RARB: variants seen among roughly 807,000 people sequenced by gnomAD.
RARB encodes the protein retinoic acid receptor beta, also known as HBV-activated protein.
Under a neutral mutation model 51.9 loss-of-function variants are expected in RARB, and 17 were observed. The observed-to-expected ratio is 0.33, with a 90% confidence interval of 0.22 to 0.49. The LOEUF is 0.49. Among genes scored for constraint, RARB ranks in the 20% least tolerant of loss-of-function variants. The pLI is 0.99. For missense variants in RARB, 369 were observed against 550.8 expected, an observed-to-expected ratio of 0.67 and a Z score of 3.30; for synonymous variants, 215 against 195.4, an observed-to-expected ratio of 1.10 and a Z score of -0.84.
intron 5 of RARB, among the ~76,000 whole-genome samples, chr3:25,262,796 G>A (rs894638288): frequency 6.6e-6 from 1 of 152,140 alleles, no homozygotes; most frequent in Admixed American, 6.6e-5. Flanking sequence ...GTTTTTAGGA[G>A]GTAGGACTTG....
At chr3:25,067,998 A>AGAGTGCCG (rs1214434403) in intron 3 of RARB, among the ~76,000 whole-genome samples, 32 of 151,672 alleles carry the variant, frequency 2.1e-4, no homozygotes, top group Non-Finnish European at 3.4e-4. Context: ...TTAGCTGCAC[A>AGAGTGCCG]CAGTGCCGCA....
rs35708873 is a variant in RARB at position 25,124,973 on chromosome 3, T to G, written c.-327-7188T>G. Among the ~76,000 whole-genome samples, 1,381 of 152,354 alleles carry G rather than the reference T, an allele frequency of 9.1e-3. 7 individuals carry two copies. The highest frequency in any genetic ancestry group is 0.017 in the Non-Finnish European group (1,147 of 68,020). On this transcript the variant is annotated intron_variant, in intron 3 of 11. Transcript: ENST00000383772. ...ATTTTAAGGGAAATTTTGTTACTAA[T>G]GACTTATATAAAACTTAACTGTTTA...
chr3:25,188,978 G>A (rs552152464), intron 5 of RARB, among the ~76,000 whole-genome samples: 73 of 152,128 alleles, frequency 4.8e-4, no homozygotes, highest in Non-Finnish European at 4.4e-4. Context: ...GATAATAAAT[G>A]TTGCTCAAAC....
intron 5 of RARB, among the ~76,000 whole-genome samples, chr3:25,281,407 T>C (rs894205978): frequency 6.6e-6 from 1 of 152,256 alleles, no homozygotes; most frequent in Non-Finnish European, 1.5e-5. Context: ...GACTTCACTT[T>C]GGCTGGGGTT....
At position 25,264,534 on chromosome 3, in the gene RARB, C is replaced by T. The variant is rs140405087; in HGVS notation, c.178+89959C>T. On this transcript the variant is annotated intron_variant, in intron 5 of 11. Coordinates refer to the RARB transcript ENST00000383772. ...CTTAAGATTAACTTATTCTTAATTA[C>T]TTCGAAGCCAAAATTGCATATTGCT... Among the ~76,000 whole-genome samples, 19 of 152,244 alleles carry T rather than the reference C, an allele frequency of 1.2e-4. No homozygotes were observed. The East Asian group carries it at 2.9e-3, about 23-fold the overall frequency.
chr3:25,118,088 G>C (rs1699720560), intron 3 of RARB, among the ~76,000 whole-genome samples: 1 of 152,118 alleles, frequency 6.6e-6, no homozygotes, highest in Admixed American at 6.6e-5. Flanking sequence ...CAATTGCTTG[G>C]AGAGGCTCCA....
At chr3:25,540,699 G>T (rs926741645) in intron 3 of RARB, among the ~76,000 whole-genome samples, 6 of 152,356 alleles carry the variant, frequency 3.9e-5, no homozygotes, top group African/African-American at 1.4e-4. Context: ...TATATGGGTT[G>T]CCCCAGGGTG....
chr3:25,313,920 A>C (rs1455103209), intron 5 of RARB, among the ~76,000 whole-genome samples: 1 of 151,936 alleles, frequency 6.6e-6, no homozygotes, highest in African/African-American at 2.4e-5. Context: ...AAAGAAAAAA[A>C]ATTAGCTAGG....
intron 4 of RARB, among the ~76,000 whole-genome samples, chr3:25,579,175 C>G (rs1180070649): frequency 2.0e-5 from 3 of 152,160 alleles, no homozygotes; most frequent in Non-Finnish European, 4.4e-5. Flanking sequence ...TTACACCATG[C>G]AATTGGTTGT....
chr3:25,556,122 C>T lies in RARB; in HGVS notation c.449-13636C>T, dbSNP rs559864856. ...GCTATGCAGAGAATGGTGGAGATGG[C>T]TTTCTTTCTTTTCCAAATGACTCTC... On this transcript the variant is annotated intron_variant, in intron 3 of 7. Transcript: ENST00000330688. 2.0e-5 allele frequency among the ~76,000 whole-genome samples: 3 copies of T among 152,082 alleles called. No homozygotes were observed. The East Asian group carries it at 5.8e-4, about 29-fold the overall frequency.
chr3:24,901,769 C>T (rs912343139), intron 2 of RARB, among the ~76,000 whole-genome samples: 12 of 152,094 alleles, frequency 7.9e-5, no homozygotes, highest in Non-Finnish European at 1.5e-4. Flanking sequence ...AGGGGGATTC[C>T]TCTGAGCTGT....
At chr3:25,104,012 A>G (rs894024885) in intron 3 of RARB, among the ~76,000 whole-genome samples, 11 of 152,196 alleles carry the variant, frequency 7.2e-5, no homozygotes, top group African/African-American at 2.4e-4. Context: ...CACATCAGAC[A>G]GATATGCCGT....
chr3:25,466,709 T>C (rs1397018713), intron 2 of RARB, among the ~76,000 whole-genome samples: 1 of 152,172 alleles, frequency 6.6e-6, no homozygotes, highest in Non-Finnish European at 1.5e-5. Flanking sequence ...GGTTGCCAAA[T>C]TGCTTCTGCA....
At chr3:25,450,809 GGT>G (rs1709159453) in intron 1 of RARB, among the ~76,000 whole-genome samples, 1 of 152,124 alleles carries the variant, frequency 6.6e-6, no homozygotes, top group Admixed American at 6.5e-5. Flanking sequence ...TACCCGGCCG[GGT>G]GCGGTGGCTC....
At chr3:25,133,221 C>T (rs897879446) in intron 4 of RARB, among the ~76,000 whole-genome samples, 8 of 151,906 alleles carry the variant, frequency 5.3e-5, no homozygotes, top group East Asian at 1.9e-4. Flanking sequence ...TTAACTTGAA[C>T]GTCTCCACAT....
At chr3:24,953,070 T>A (rs1695933022) in intron 2 of RARB, among the ~76,000 whole-genome samples, 1 of 152,178 alleles carries the variant, frequency 6.6e-6, no homozygotes, top group South Asian at 2.1e-4. Flanking sequence ...AGCTGTTATA[T>A]CTTCTAGGGA....
At chr3:25,359,180 G>A (rs756349569) in intron 5 of RARB, among the ~76,000 whole-genome samples, 9 of 152,060 alleles carry the variant, frequency 5.9e-5, no homozygotes, top group Non-Finnish European at 1.0e-4. Context: ...TCTATTCAGG[G>A]ATTCGACGTC....
At chr3:25,206,069 G>C (rs1226454905) in intron 5 of RARB, among the ~76,000 whole-genome samples, 1 of 152,180 alleles carries the variant, frequency 6.6e-6, no homozygotes, top group Non-Finnish European at 1.5e-5. Context: ...TTTGACGTAT[G>C]ATATTTTCAA....
chr3:25,165,916 TA>T (rs1164486824), intron 4 of RARB, among the ~76,000 whole-genome samples: 2 of 152,220 alleles, frequency 1.3e-5, no homozygotes, highest in Non-Finnish European at 2.9e-5. Flanking sequence ...TCTGTTTCTT[TA>T]GCAGATGGAA....
Sources: allele counts gnomAD v4.1 joint callset (sites outside exome capture counted in the v4.1 genomes callset), GRCh38; gene constraint gnomAD v4.1.1; transcripts MANE v1.5; gene names NCBI Gene and HGNC (gene_info 2026-07-23, HGNC 2026-07-21).